DERA: variants seen among roughly 807,000 people sequenced by gnomAD.
DERA encodes 2-deoxy-D-ribose 5-phosphate aldolase.
Under a neutral mutation model 41.1 loss-of-function variants are expected in DERA, and 15 were observed. The ratio of observed to expected loss-of-function variants is 0.37; its 90% CI spans 0.24 to 0.56. The LOEUF (loss-of-function observed/expected upper bound fraction) is 0.56. Among genes scored for constraint, DERA ranks in the 20% least tolerant of loss-of-function variants. The probability of loss-of-function intolerance (pLI) is 0.81; values close to 1 mark genes in which losing one functional copy is unlikely to be tolerated. For missense variants in DERA, 396 were observed against 403.4 expected (o/e 0.98, Z 0.16); for synonymous variants, 139 against 137.4 (o/e 1.01, Z -0.08).
chr12:15,993,391 A>G lies in DERA; in HGVS notation c.637+10955A>G, dbSNP rs914528420. On this transcript the variant is annotated intron_variant, in intron 6 of 8. Transcript: ENST00000428559. This position sits in a 1 kb window ranked among gnomAD's most constrained non-coding sequence, Gnocchi z 4.4. ...TTTTCTAAAGATTGTCACAAGTTAC[A>G]TGGAATCCCTCCTCTTAGGCTGCAA... is the stretch of plus-strand genomic sequence containing the variant. Among the ~76,000 whole-genome samples, 1 of 152,040 alleles carries G rather than the reference A, an allele frequency of 6.6e-6. No homozygotes were observed. The highest frequency in any genetic ancestry group is 2.4e-5 in the African/African-American group (1 of 41,400).
intron 6 of DERA, among the ~76,000 whole-genome samples, chr12:16,015,680 T>C (rs2136181682): frequency 6.6e-6 from 1 of 152,332 alleles, no homozygotes; most frequent in African/African-American, 2.4e-5. Flanking sequence ...TTTAAACCAA[T>C]GACGGGTTAC....
chr12:15,922,645 C>T lies in DERA; in HGVS notation c.31+11231C>T, dbSNP rs1187174949. 1.3e-5 allele frequency among the ~76,000 whole-genome samples: 2 copies of T among 152,118 alleles called. No individual in the cohort carries two copies. The highest frequency in any genetic ancestry group is 4.8e-5 in the African/African-American group (2 of 41,426). On this transcript the variant is annotated intron_variant, in intron 1 of 8. Transcript: ENST00000428559. This position sits in a 1 kb window ranked among gnomAD's most constrained non-coding sequence, Gnocchi z 4.9. ...ACAGGCCAAGTTGAAATTAGGTATC[C>T]TGTGGAAAGAATGTCAGGGAATGTG...
rs751553048 is a variant in DERA, at chr12:16,004,888, A to G, written c.637+22452A>G. On this transcript the variant is annotated intron_variant, in intron 6 of 8. Coordinates refer to ENST00000428559, the MANE Select transcript of DERA (RefSeq NM_015954.4). This position sits in a 1 kb window ranked among gnomAD's most constrained non-coding sequence, Gnocchi z 4.2. ...GTTTCCTAGTTCAAGGAGTTAGAAA[A>G]CTTTTGATAATTTAATGGGATTTAT... 2.6e-5 allele frequency among the ~76,000 whole-genome samples: 4 copies of G among 152,128 alleles called. No individual in the cohort carries two copies. The highest frequency in any genetic ancestry group is 5.9e-5 in the Non-Finnish European group (4 of 68,020).
chr12:15,913,962 CTATTT>C lies in DERA; in HGVS notation c.31+2553_31+2557del, dbSNP rs1362587886. Among the ~76,000 whole-genome samples the C allele has an allele frequency of 6.6e-6, 1 of 152,156 alleles. No homozygotes were observed. Among genetic ancestry groups the C allele is most frequent in the Non-Finnish European group, 1.5e-5 (1 of 68,028 alleles). On this transcript the variant is annotated intron_variant, in intron 1 of 8. Transcript: ENST00000428559. This position sits in a 1 kb window ranked among gnomAD's most constrained non-coding sequence, Gnocchi z 4.5. ...TCTATTAAAATGTACAGATATTCTTCTATTTTATTAGATGCCACTTAACTATTGCC... is the reference window on the plus strand; with the variant it reads ...TCTATTAAAATGTACAGATATTCTTCTATTAGATGCCACTTAACTATTGCC...
At position 16,036,829 on chromosome 12, in the gene DERA, A is replaced by C; in HGVS notation, c.*83A>C. On this transcript the variant is annotated 3_prime_UTR_variant, in exon 9 of 9. Coordinates refer to ENST00000428559, the MANE Select transcript of DERA (RefSeq NM_015954.4). This position sits in a 1 kb window ranked among gnomAD's most constrained non-coding sequence, Gnocchi z 4.9. ...CGTAATTGCTAAAATTATTTAATTAAAAAATTGGGCAGTAGGTAACTGGCA... is the reference window on the plus strand; with the variant it reads ...CGTAATTGCTAAAATTATTTAATTACAAAATTGGGCAGTAGGTAACTGGCA... 9.0e-7 allele frequency: 1 copy of C among 1,113,304 alleles called. No homozygotes were observed. The highest frequency in any genetic ancestry group is 1.3e-6 in the Non-Finnish European group (1 of 766,748). The allele number at this position is 1,113,304 out of a possible 1,614,324, so 69.0% of individuals were successfully genotyped here. A position where few individuals can be genotyped will look rare whatever the true frequency, so the allele number is the denominator to read the frequency against.
chr12:15,917,708 G>T (rs184886219), intron 1 of DERA, among the ~76,000 whole-genome samples: 3 of 152,320 alleles, frequency 2.0e-5, no homozygotes, highest in Admixed American at 2.0e-4. Flanking sequence ...TGGCACCAGG[G>T]ACTGAAGTGG....
At position 15,965,429 on chromosome 12, in the gene DERA, A is replaced by AT. The variant is rs1489411640; in HGVS notation, c.508+2486dup. ...GTATTAAGTGCCTCATGCATTAGCT[A>AT]TTTTCCCTAATGCACTACCTGCCTC... On this transcript the variant is annotated intron_variant, in intron 5 of 8. Transcript: ENST00000428559. This position sits in a 1 kb window ranked among gnomAD's most constrained non-coding sequence, Gnocchi z 4.1. 1.3e-5 allele frequency among the ~76,000 whole-genome samples: 2 copies of AT among 151,978 alleles called. No individual in the cohort carries two copies. Among genetic ancestry groups the AT allele is most frequent in the African/African-American group, 2.4e-5 (1 of 41,364 alleles).
intron 6 of DERA, among the ~76,000 whole-genome samples, chr12:16,028,739 A>G (rs1358058943): frequency 2.0e-5 from 3 of 152,358 alleles, no homozygotes; most frequent in South Asian, 4.1e-4. Context: ...TACCAAACCT[A>G]TAACCTCAGT....
chr12:15,969,896 C>T (rs1298508161), intron 5 of DERA, among the ~76,000 whole-genome samples: 2 of 151,984 alleles, frequency 1.3e-5, no homozygotes, highest in Non-Finnish European at 1.5e-5. Context: ...TTTGTGATTT[C>T]TCTGTTTTGG....
chr12:15,980,562 T>C (rs982578665), intron 5 of DERA, among the ~76,000 whole-genome samples: 1 of 152,172 alleles, frequency 6.6e-6, no homozygotes, highest in African/African-American at 2.4e-5. Context: ...CCATAGTCTA[T>C]TACTATTTTT....
In DERA at chr12:15,990,802, G is replaced by A. The variant is rs570521949; in HGVS notation, c.637+8366G>A. Reference sequence around the variant, plus strand: ...TGATCTCATTCTTTTTTTATGGCTGGATAGTAGTCCATGGTGCATATATAT... The same window carrying A: ...TGATCTCATTCTTTTTTTATGGCTGAATAGTAGTCCATGGTGCATATATAT... On this transcript the variant is annotated intron_variant, in intron 6 of 8. Coordinates refer to ENST00000428559, the MANE Select transcript of DERA (RefSeq NM_015954.4). This position sits in a 1 kb window ranked among gnomAD's most constrained non-coding sequence, Gnocchi z 4.3. 7.9e-5 allele frequency among the ~76,000 whole-genome samples: 12 copies of A among 152,140 alleles called. No homozygotes were observed. In the East Asian group the frequency reaches 2.3e-3, roughly 29 times the overall value.
chr12:15,923,019 T>C (rs1204224261), intron 1 of DERA, among the ~76,000 whole-genome samples: 3 of 122,790 alleles, frequency 2.4e-5, no homozygotes, highest in Non-Finnish European at 4.8e-5. Flanking sequence ...TGTTTTTGCT[T>C]TTTTTTTTTT....
At chr12:15,949,368 C>T (rs1429714780) in intron 1 of DERA, among the ~76,000 whole-genome samples, 4 of 152,182 alleles carry the variant, frequency 2.6e-5, no homozygotes, top group Admixed American at 2.6e-4. Flanking sequence ...TTCCCAGCAG[C>T]TCTGTTTACC....
chr12:16,009,777 G>A lies in DERA; in HGVS notation c.638-22765G>A, dbSNP rs1405390252. Among the ~76,000 whole-genome samples the A allele has an allele frequency of 6.6e-6, 1 of 152,104 alleles. No homozygotes were observed. The highest frequency in any genetic ancestry group is 1.9e-4 in the East Asian group (1 of 5,196). On this transcript the variant is annotated intron_variant, in intron 6 of 8. Coordinates refer to ENST00000428559, the MANE Select transcript of DERA (RefSeq NM_015954.4). The surrounding 1 kb of genome is among the most constrained non-coding windows in gnomAD (Gnocchi z 5.3). ...AAGACTCTAACATGTACTCTAAGGG[G>A]AGGAAATAAATGCCACACTCAAAGC...
chr12:15,960,365 C>T (rs995313871), intron 4 of DERA, among the ~76,000 whole-genome samples: 21 of 150,988 alleles, frequency 1.4e-4, no homozygotes, highest in African/African-American at 4.4e-4. Context: ...GGGCTGGGGA[C>T]GGTGGCTCAC....
rs1948555155 is a variant in DERA at position 15,958,230 on chromosome 12, A to G, written c.172A>G (p.Thr58Ala). 1.3e-6 allele frequency: 2 copies of G among 1,590,364 alleles called. No homozygotes were observed. The highest frequency in any genetic ancestry group is 2.3e-5 in the East Asian group (1 of 44,296). ...LKAVTFIDLT[T>A]LSGDDTSSNI... is the part of the protein sequence containing the mutation. ...AGCTGTTACCTTTATAGATCTTACT[A>G]CACTTTCAGGTGATGATACATCTTC... The change falls in exon 3 of 9, where the codon ACA (threonine) becomes GCA (alanine). Residue 58 changes from threonine (T) to alanine (A), a missense_variant. Physicochemically the swap from Thr to Ala is moderately conservative, Grantham distance 58. Transcript: ENST00000428559.
intron 5 of DERA, among the ~76,000 whole-genome samples, chr12:15,971,119 G>A (rs10772887): frequency 6.6e-6 from 1 of 151,872 alleles, no homozygotes; most frequent in African/African-American, 2.4e-5. Flanking sequence ...CAACAGCCCC[G>A]GATTAATAAC....
rs1357528551 is a variant in DERA, at chr12:15,954,315, TA to T, written c.32-2615del. Among the ~76,000 whole-genome samples, 3 of 152,128 alleles carry T rather than the reference TA, an allele frequency of 2.0e-5. No homozygotes were observed. The highest frequency in any genetic ancestry group is 7.2e-5 in the African/African-American group (3 of 41,420). ...GCGTCAGGTCCTTCGCTTGGAGTTT[TA>T]AAAAATCTTTTGGGGACATAAACAT... On this transcript the variant is annotated intron_variant, in intron 1 of 8. Transcript: ENST00000428559. This position sits in a 1 kb window ranked among gnomAD's most constrained non-coding sequence, Gnocchi z 4.0.
chr12:15,927,530 G>C (rs1948295938), intron 1 of DERA, among the ~76,000 whole-genome samples: 1 of 152,088 alleles, frequency 6.6e-6, no homozygotes, highest in Non-Finnish European at 1.5e-5. Context: ...TGCTTAAAAA[G>C]TTAGGCATCA....
Sources: allele counts gnomAD v4.1 joint callset (sites outside exome capture counted in the v4.1 genomes callset), GRCh38; gene constraint gnomAD v4.1.1; non-coding constraint Gnocchi (gnomAD v3.1); transcripts MANE v1.5; gene names NCBI Gene and HGNC (gene_info 2026-07-23, HGNC 2026-07-21).